EPCAM: variants seen among roughly 807,000 people sequenced by gnomAD.
EPCAM encodes epithelial cell adhesion molecule.
In EPCAM, 39 loss-of-function variants were observed where a neutral mutation model predicts 40.0. That is an observed-to-expected ratio of 0.98 (90% CI 0.76 to 1.27). EPCAM has a LOEUF of 1.27. Among genes scored for constraint, EPCAM ranks in the 50% most tolerant of loss-of-function variants. EPCAM has a pLI of 0.00. For synonymous variants in EPCAM, 168 were observed against 132.3 expected (o/e 1.27, Z -1.85); for missense variants, 503 against 381.2 (o/e 1.32, Z -2.66).
Position 47,383,983 on chromosome 2 carries a change from C to G in EPCAM, c.859-1183C>G, listed in dbSNP as rs372106154. The stretch of plus-strand genomic sequence containing the variant: ...AGATTATTCATTGTTTCCTTTTTTT[C>G]TTTCTCTTTCTTTTCTGTTGTCCCA... On this transcript the variant is annotated intron_variant, in intron 7 of 8. Coordinates refer to ENST00000263735, the MANE Select transcript of EPCAM (RefSeq NM_002354.3). Among the ~76,000 whole-genome samples the G allele has an allele frequency of 1.6e-4, 24 of 151,546 alleles. 1 individual carries two copies. In the East Asian group the frequency reaches 3.7e-3, roughly 23 times the overall value.
At chr2:47,378,857 A>G (rs1371753679) in intron 5 of EPCAM, 96 bp from the exon 6 acceptor site, 2 of 712,412 alleles carry the variant, frequency 2.8e-6, no homozygotes, top group Non-Finnish European at 5.1e-6. Context: ...ATTATAGAAA[A>G]TCAAACACTG....
rs2103747473 is a variant in EPCAM, at chr2:47,373,928, G to C, written c.305G>C (p.Ser102Thr). The C allele has an allele frequency of 1.2e-6, 2 of 1,614,132 alleles. No individual in the cohort carries two copies. Among genetic ancestry groups the C allele is most frequent in the Non-Finnish European group, 1.7e-6 (2 of 1,180,028 alleles). ...CTTTATGATCCTGACTGCGATGAGAGCGGGCTCTTTAAGGCCAAGCAGTGC... is the reference window on the plus strand; with the variant it reads ...CTTTATGATCCTGACTGCGATGAGACCGGGCTCTTTAAGGCCAAGCAGTGC... ...DGLYDPDCDE[S>T]GLFKAKQCNG... is the part of the protein sequence containing the mutation. The change falls in exon 3 of 9, where the codon AGC becomes ACC. Residue 102 changes from serine (S) to threonine (T), a missense_variant. Ser to Thr is a moderately conservative substitution (Grantham distance 58). Coordinates refer to ENST00000263735, the MANE Select transcript of EPCAM (RefSeq NM_002354.3).
intron 5 of EPCAM, chr2:47,377,692 A>T (rs1399522952): frequency 2.6e-6 from 1 of 385,372 alleles, no homozygotes; most frequent in East Asian, 9.8e-5. Context: ...TAACATCTTA[A>T]AGTAAATATG....
intron 7 of EPCAM, 133 bp downstream of exon 7, chr2:47,380,102 G>A: frequency 6.8e-7 from 1 of 1,463,012 alleles, no homozygotes; most frequent in Non-Finnish European, 9.3e-7. Context: ...GATCACTTGA[G>A]CCCAGGAGTT....
intron 4 of EPCAM, 49 bp from the exon 5 acceptor site, chr2:47,376,965 T>C: frequency 8.2e-7 from 1 of 1,226,964 alleles, no homozygotes; most frequent in South Asian, 1.2e-5. Flanking sequence ...TTCTTACTGT[T>C]GTGTGGTACA....
intron 3 of EPCAM, among the ~76,000 whole-genome samples, chr2:47,374,372 A>G (rs1671367808): frequency 1.3e-5 from 2 of 152,144 alleles, no homozygotes; most frequent in South Asian, 4.1e-4. Context: ...TCATTGTTGC[A>G]TTAGTAGTAA....
chr2:47,376,956 T>G, intron 4 of EPCAM, 58 bp from the exon 5 acceptor site: 1 of 1,161,020 alleles, frequency 8.6e-7, no homozygotes, highest in East Asian at 2.3e-5. Context: ...GAGTAGTGCT[T>G]CTTACTGTTG....
At chr2:47,376,525 G>T (rs7570977) in intron 4 of EPCAM, among the ~76,000 whole-genome samples, 2,779 of 152,224 alleles carry the variant, frequency 0.018, 78 homozygotes, top group African/African-American at 0.063. Flanking sequence ...ATCCCAAAGT[G>T]CTGGGATTAC....
intron 1 of EPCAM, among the ~76,000 whole-genome samples, chr2:47,370,887 T>C (rs1671244637): frequency 6.6e-6 from 1 of 152,034 alleles, no homozygotes; most frequent in East Asian, 1.9e-4. Flanking sequence ...AGCTAATTTG[T>C]ATTTTTTGTA....
intron 1 of EPCAM, among the ~76,000 whole-genome samples, chr2:47,371,815 A>G (rs1671277783): frequency 6.6e-6 from 1 of 152,166 alleles, no homozygotes; most frequent in South Asian, 2.1e-4. Context: ...TGTTGGGCAG[A>G]TTAAAGGTGG....
chr2:47,380,377 A>G (rs529710592), intron 7 of EPCAM, among the ~76,000 whole-genome samples: 51 of 152,346 alleles, frequency 3.3e-4, no homozygotes, highest in African/African-American at 1.2e-3. Flanking sequence ...ATTCAGGGAA[A>G]AAAATCTTCA....
intron 6 of EPCAM, among the ~76,000 whole-genome samples, chr2:47,379,493 G>A (rs1341423545): frequency 6.6e-6 from 1 of 152,170 alleles, no homozygotes; most frequent in Non-Finnish European, 1.5e-5. Flanking sequence ...AGGATGAAAG[G>A]AAGAAAAGAT....
At chr2:47,380,048 C>T (rs757030640) in intron 7 of EPCAM, 79 bp downstream of exon 7, 418 of 1,547,716 alleles carry the variant, frequency 2.7e-4, no homozygotes, top group Non-Finnish European at 3.3e-4. Flanking sequence ...CGCGGTGGCT[C>T]ACCACACCTG....
At position 47,375,352 on chromosome 2, in the gene EPCAM, C is replaced by T. The variant is rs2103750341; in HGVS notation, c.491+53C>T. 5 of 1,101,612 alleles carry T rather than the reference C, an allele frequency of 4.5e-6. No homozygotes were observed. In the South Asian group the frequency reaches 5.0e-5, roughly 11 times the overall value. The allele number at this position is 1,101,612 out of a possible 1,614,324, so 68.2% of individuals were successfully genotyped here. A position where few individuals can be genotyped will look rare whatever the true frequency, so the allele number is the denominator to read the frequency against. The stretch of plus-strand genomic sequence containing the variant: ...TTGCACAGTTGGTGGCTCAAATCTT[C>T]CATCCTACACCATTAGAAAAAGCAA... On this transcript the variant is annotated intron_variant, in intron 4 of 8. Coordinates refer to ENST00000263735, the MANE Select transcript of EPCAM (RefSeq NM_002354.3).
intron 4 of EPCAM, 53 bp from the exon 5 acceptor site, chr2:47,376,961 C>G (rs1671442885): frequency 8.4e-7 from 1 of 1,191,076 alleles, no homozygotes; most frequent in Non-Finnish European, 1.3e-6. Flanking sequence ...GTGCTTCTTA[C>G]TGTTGTGTGG....
intron 7 of EPCAM, among the ~76,000 whole-genome samples, chr2:47,382,613 G>A (rs1214728494): frequency 6.6e-6 from 1 of 152,156 alleles, no homozygotes; most frequent in Non-Finnish European, 1.5e-5. Flanking sequence ...TTGAACCCAG[G>A]AGGCAGAGGT....
intron 7 of EPCAM, among the ~76,000 whole-genome samples, chr2:47,380,702 T>C (rs925061873): frequency 1.6e-4 from 25 of 152,198 alleles, no homozygotes; most frequent in African/African-American, 4.8e-5. Context: ...GATGAGCAAA[T>C]TGAATTTAAC....
intron 7 of EPCAM, among the ~76,000 whole-genome samples, chr2:47,380,233 G>T (rs1157919369): frequency 6.6e-6 from 1 of 152,020 alleles, no homozygotes; most frequent in Non-Finnish European, 1.5e-5. Context: ...GGAGTGGTCA[G>T]TTGAGTCCAG....
chr2:47,376,434 A>AT (rs1671429752), intron 4 of EPCAM, among the ~76,000 whole-genome samples: 1 of 151,308 alleles, frequency 6.6e-6, no homozygotes, highest in East Asian at 1.9e-4. Context: ...TTTTTTTTGT[A>AT]TTTTTAGTAG....
Sources: allele counts gnomAD v4.1 joint callset (sites outside exome capture counted in the v4.1 genomes callset), GRCh38; gene constraint gnomAD v4.1.1; transcripts MANE v1.5; gene names NCBI Gene and HGNC (gene_info 2026-07-23, HGNC 2026-07-21).